Variants in GALNT14 observed in about 807,000 individuals in gnomAD.
The protein encoded by GALNT14 is UDP-GalNAc:polypeptide N-acetylgalactosaminyltransferase 14.
In GALNT14, 60 loss-of-function variants were observed where a neutral mutation model predicts 77.5. The ratio of observed to expected loss-of-function variants is 0.77; its 90% CI spans 0.63 to 0.96. GALNT14 has a LOEUF of 0.96. Ranked by LOEUF, GALNT14 falls within the 40% of genes least tolerant of loss-of-function variation. The probability of loss-of-function intolerance (pLI) is 0.00; values close to 1 mark genes in which losing one functional copy is unlikely to be tolerated. For synonymous variants in GALNT14, 280 were observed against 281.7 expected (o/e 0.99, Z 0.06); for missense variants, 710 against 731.0 (o/e 0.97, Z 0.33).
At chr2:31,028,362 G>A (rs531582788) in intron 1 of GALNT14, among the ~76,000 whole-genome samples, 12 of 152,282 alleles carry the variant, frequency 7.9e-5, no homozygotes, top group East Asian at 7.7e-4. Context: ...CCACCATGGC[G>A]GAAAGCCAGA....
intron 1 of GALNT14, among the ~76,000 whole-genome samples, chr2:31,075,237 C>T (rs760212327): frequency 4.1e-4 from 63 of 152,338 alleles, no homozygotes; most frequent in Middle Eastern, 3.4e-3. Flanking sequence ...CTGAGGTCCT[C>T]GCCTGAAGTA....
At chr2:30,925,138 G>A (rs1041911929) in intron 11 of GALNT14, among the ~76,000 whole-genome samples, 1 of 152,190 alleles carries the variant, frequency 6.6e-6, no homozygotes, top group Non-Finnish European at 1.5e-5. Flanking sequence ...CATTCAGTGT[G>A]TTGTTAATAA....
chr2:30,970,749 G>A (rs1250072924), intron 2 of GALNT14, among the ~76,000 whole-genome samples: 2 of 152,044 alleles, frequency 1.3e-5, no homozygotes, highest in African/African-American at 4.8e-5. Context: ...TCCAGCACAG[G>A]CCCAGGGAGG....
chr2:30,978,041 C>T (rs561164862), intron 2 of GALNT14, among the ~76,000 whole-genome samples: 41 of 152,204 alleles, frequency 2.7e-4, no homozygotes, highest in Non-Finnish European at 3.8e-4. Flanking sequence ...TCAGAGCCAC[C>T]TGCAGTTAAA....
intron 1 of GALNT14, among the ~76,000 whole-genome samples, chr2:31,038,830 C>A (rs1311821158): frequency 6.6e-6 from 1 of 151,614 alleles, no homozygotes; most frequent in Non-Finnish European, 1.5e-5. Context: ...ACAGCAACCT[C>A]TGCCTACTGG....
chr2:31,103,066 G>A (rs569345712), intron 1 of GALNT14, among the ~76,000 whole-genome samples: 2 of 152,054 alleles, frequency 1.3e-5, no homozygotes, highest in East Asian at 1.9e-4. Context: ...TGTGGTGTGC[G>A]ATCCTTTCTG....
chr2:31,048,827 G>A (rs896743926), intron 1 of GALNT14, among the ~76,000 whole-genome samples: 2 of 152,094 alleles, frequency 1.3e-5, no homozygotes, highest in African/African-American at 4.8e-5. Context: ...CCCCAGAGAA[G>A]TGCCCCACGT....
At chr2:30,898,240 C>T in the GALNT14 span, among the ~76,000 whole-genome samples, 1 of 152,020 alleles carries the variant, frequency 6.6e-6, no homozygotes, top group Non-Finnish European at 1.5e-5. Context: ...TCTTGGACTT[C>T]CCAGCCTCCA....
chr2:30,916,616 T>C (rs1664693493), intron 13 of GALNT14, among the ~76,000 whole-genome samples: 1 of 151,438 alleles, frequency 6.6e-6, no homozygotes, highest in African/African-American at 2.4e-5. Context: ...AGATGGCCAC[T>C]GCTGGTGGGA....
intron 1 of GALNT14, among the ~76,000 whole-genome samples, chr2:31,020,739 G>T (rs753895155): frequency 2.6e-5 from 4 of 152,050 alleles, no homozygotes; most frequent in African/African-American, 9.7e-5. Flanking sequence ...CATATCATAC[G>T]GCTTACAGAG....
At chr2:31,099,292 C>A (rs761518636) in intron 1 of GALNT14, among the ~76,000 whole-genome samples, 1 of 151,710 alleles carries the variant, frequency 6.6e-6, no homozygotes, top group Non-Finnish European at 1.5e-5. Flanking sequence ...CTATTATTTT[C>A]TATTGGATTG....
downstream of GALNT14, among the ~76,000 whole-genome samples, chr2:30,909,444 C>A (rs62139528): frequency 2.6e-5 from 4 of 152,236 alleles, no homozygotes; most frequent in East Asian, 1.9e-4. Flanking sequence ...ATGCAGCCAA[C>A]AGACACATGA....
intron 1 of GALNT14, among the ~76,000 whole-genome samples, chr2:30,997,083 T>C (rs1199894503): frequency 6.6e-6 from 1 of 152,156 alleles, no homozygotes; most frequent in Admixed American, 6.5e-5. Flanking sequence ...GCAGGACCAG[T>C]TTAGAGAGGT....
chr2:30,926,657 A>C (rs1460216031), intron 11 of GALNT14, among the ~76,000 whole-genome samples: 1 of 152,042 alleles, frequency 6.6e-6, no homozygotes, highest in Non-Finnish European at 1.5e-5. Flanking sequence ...AACAGCCTGC[A>C]AATGGGACCA....
At chr2:31,099,849 A>C (rs1677178030) in intron 1 of GALNT14, among the ~76,000 whole-genome samples, 1 of 151,870 alleles carries the variant, frequency 6.6e-6, no homozygotes, top group African/African-American at 2.4e-5. Context: ...GTTTTTTCAG[A>C]ATTTTTCTAT....
chr2:31,117,789 C>T (rs1678184600), intron 1 of GALNT14, among the ~76,000 whole-genome samples: 1 of 152,126 alleles, frequency 6.6e-6, no homozygotes, highest in Non-Finnish European at 1.5e-5. Context: ...AGCAGAAGTT[C>T]CTGCTTACAC....
At chr2:30,983,984 T>C (rs1490512618) in intron 2 of GALNT14, among the ~76,000 whole-genome samples, 1 of 152,218 alleles carries the variant, frequency 6.6e-6, no homozygotes, top group African/African-American at 2.4e-5. Context: ...CTAACCTCTC[T>C]GAGCCCGGGT....
chr2:31,008,522 G>C (rs1255402320), intron 1 of GALNT14, among the ~76,000 whole-genome samples: 1 of 152,108 alleles, frequency 6.6e-6, no homozygotes, highest in Non-Finnish European at 1.5e-5. Flanking sequence ...TCACTAAATG[G>C]CTCCCCCCAG....
At chr2:30,947,019 C>T (rs1004180537) in intron 6 of GALNT14, among the ~76,000 whole-genome samples, 3 of 152,114 alleles carry the variant, frequency 2.0e-5, no homozygotes, top group Admixed American at 6.6e-5. Flanking sequence ...CTTCCCTCCC[C>T]GCAGCACTAA....
Sources: gnomAD v4.1 joint callset for allele counts (sites outside exome capture counted in the v4.1 genomes callset) on GRCh38, gnomAD v4.1.1 for gene constraint, MANE v1.5 for transcripts, NCBI Gene and HGNC (gene_info 2026-07-23, HGNC 2026-07-21) for gene names.